Variants in EPHA6 observed in about 807,000 individuals in gnomAD.
The protein encoded by EPHA6 is EPH receptor A6, also known as ephrin type-A receptor 6.
A neutral mutation model predicts 112.0 loss-of-function variants in EPHA6; 50 were observed. The ratio of observed to expected loss-of-function variants is 0.45; its 90% CI spans 0.36 to 0.56. The LOEUF is 0.56. EPHA6 is among the 20% of genes least tolerant of loss of function. EPHA6 has a pLI of 0.00. For missense variants in EPHA6, 1,280 were observed against 1,417.4 expected, an observed-to-expected ratio of 0.90 and a Z score of 1.56; for synonymous variants, 529 against 490.7, an observed-to-expected ratio of 1.08 and a Z score of -1.03.
At chr3:97,625,405 C>G (rs2093847676) in intron 13 of EPHA6, among the ~76,000 whole-genome samples, 1 of 151,734 alleles carries the variant, frequency 6.6e-6, no homozygotes, top group African/African-American at 2.4e-5. Context: ...AGAGAACATA[C>G]TTTGTATGAA....
chr3:97,242,808 A>AT lies in EPHA6; in HGVS notation c.1271-1134dup, dbSNP rs560445234. Among the ~76,000 whole-genome samples the AT allele has an allele frequency of 2.3e-4, 34 of 150,004 alleles. No homozygotes were observed. In the South Asian group the frequency reaches 6.1e-3, roughly 27 times the overall value. ...AACAGAAATTAGAGAATTGGTTTAG[A>AT]TTTTTTTTTTAAATGAAGCCTTCTA... On this transcript the variant is annotated intron_variant, in intron 4 of 17. Coordinates refer to ENST00000389672, the MANE Select transcript of EPHA6 (RefSeq NM_001080448.3).
At chr3:97,653,653 G>A (rs1304456310) in intron 14 of EPHA6, among the ~76,000 whole-genome samples, 1 of 151,854 alleles carries the variant, frequency 6.6e-6, no homozygotes, top group Non-Finnish European at 1.5e-5. Flanking sequence ...CCACTTCTAG[G>A]TATATAATCA....
intron 14 of EPHA6, among the ~76,000 whole-genome samples, chr3:97,643,916 C>T (rs1283837545): frequency 1.3e-5 from 2 of 150,894 alleles, no homozygotes; most frequent in African/African-American, 2.4e-5. Context: ...AGGAATTGAA[C>T]TCAGCTCTGC....
intron 2 of EPHA6, among the ~76,000 whole-genome samples, chr3:96,902,513 A>G (rs558557582): frequency 6.6e-6 from 1 of 152,288 alleles, no homozygotes; most frequent in East Asian, 1.9e-4. Context: ...TCCATATTTC[A>G]GCAACCCTTG....
chr3:97,334,474 TC>T (rs2082958014), intron 5 of EPHA6, among the ~76,000 whole-genome samples: 2 of 145,694 alleles, frequency 1.4e-5, no homozygotes, highest in Non-Finnish European at 1.5e-5. Context: ...TCTTTTTTTT[TC>T]TTCTTTTTTT....
At chr3:97,385,981 G>T (rs2086042768) in intron 5 of EPHA6, among the ~76,000 whole-genome samples, 1 of 152,086 alleles carries the variant, frequency 6.6e-6, no homozygotes, top group Non-Finnish European at 1.5e-5. Flanking sequence ...ATGAGATTTG[G>T]GTGGAGACAG....
intron 12 of EPHA6, among the ~76,000 whole-genome samples, chr3:97,599,218 C>T (rs1313382179): frequency 1.3e-5 from 2 of 149,690 alleles, no homozygotes; most frequent in South Asian, 4.2e-4. Flanking sequence ...TTGTAGGTTG[C>T]CTGTTCACTC....
chr3:96,818,003 C>T (rs2032939638), intron 1 of EPHA6, among the ~76,000 whole-genome samples: 2 of 151,936 alleles, frequency 1.3e-5, no homozygotes, highest in Admixed American at 1.3e-4. Context: ...CTTCCTAGAT[C>T]ACTTCATCTG....
intron 1 of EPHA6, among the ~76,000 whole-genome samples, 183 bp from the exon 2 acceptor site, chr3:96,866,638 ATTAC>A (rs902410110): frequency 3.3e-5 from 5 of 151,724 alleles, no homozygotes; most frequent in African/African-American, 7.2e-5. Context: ...GCATTTTATC[ATTAC>A]TTAATACTAT....
In EPHA6 at chr3:96,987,614, T is replaced by C. The variant is rs773571233; in HGVS notation, c.735T>C (p.Ile245=). 1 of 1,612,814 alleles carries C rather than the reference T, an allele frequency of 6.2e-7. No homozygotes were observed. Among genetic ancestry groups the C allele is most frequent in the Non-Finnish European group, 8.5e-7 (1 of 1,178,944 alleles). The change falls in exon 3 of 18, where the codon ATT becomes ATC. Residue 245 remains isoleucine, a synonymous_variant. Coordinates refer to ENST00000389672, the MANE Select transcript of EPHA6 (RefSeq NM_001080448.3). Reference sequence around the variant, plus strand: ...ACCAGTATACAAAGATCGACACAATTGCTGCTGATGAGAGTTTTACCCAGA... The same window carrying C: ...ACCAGTATACAAAGATCGACACAATCGCTGCTGATGAGAGTTTTACCCAGA... ...KPNQYTKIDT[I]AADESFTQMD... is the part of the protein sequence containing the mutation.
intron 5 of EPHA6, among the ~76,000 whole-genome samples, chr3:97,336,951 C>T (rs1400912717): frequency 6.6e-6 from 1 of 151,338 alleles, no homozygotes; most frequent in Non-Finnish European, 1.5e-5. Context: ...TGAACAGTTA[C>T]TGTAACAGGA....
chr3:97,085,937 A>G (rs2046882610), intron 3 of EPHA6, among the ~76,000 whole-genome samples: 1 of 144,060 alleles, frequency 6.9e-6, no homozygotes, highest in South Asian at 2.1e-4. Flanking sequence ...TCATATATAT[A>G]TATATATATA....
intron 7 of EPHA6, among the ~76,000 whole-genome samples, chr3:97,455,488 CA>C (rs2090652947): frequency 6.6e-6 from 1 of 152,018 alleles, no homozygotes; most frequent in South Asian, 2.1e-4. Flanking sequence ...TCTACCCATT[CA>C]GTACTTTCAC....
intron 3 of EPHA6, among the ~76,000 whole-genome samples, chr3:97,006,527 AT>A (rs60999000): frequency 1.2e-4 from 17 of 141,430 alleles, no homozygotes; most frequent in Middle Eastern, 3.9e-3. Flanking sequence ...CTAGCAGTCT[AT>A]TTTTTTTTTA....
intron 5 of EPHA6, among the ~76,000 whole-genome samples, chr3:97,341,699 C>T (rs2083312924): frequency 6.6e-6 from 1 of 152,050 alleles, no homozygotes; most frequent in Non-Finnish European, 1.5e-5. Flanking sequence ...ATATAAAATT[C>T]ATTCTTTATA....
intron 2 of EPHA6, among the ~76,000 whole-genome samples, chr3:96,897,673 T>C (rs752232606): frequency 4.7e-4 from 71 of 152,298 alleles, no homozygotes; most frequent in Non-Finnish European, 8.5e-4. Context: ...GCTACATATA[T>C]AGAGAAAACA....
intron 10 of EPHA6, among the ~76,000 whole-genome samples, chr3:97,509,739 T>C (rs978298649): frequency 2.0e-5 from 3 of 152,162 alleles, no homozygotes; most frequent in Admixed American, 2.0e-4. Context: ...TCCTGTCTTA[T>C]TAGGTTGGGG....
intron 11 of EPHA6, among the ~76,000 whole-genome samples, chr3:97,565,552 C>T (rs1466509822): frequency 6.6e-6 from 1 of 152,102 alleles, no homozygotes; most frequent in Non-Finnish European, 1.5e-5. Context: ...TATATTTTCT[C>T]AAATGTATTA....
intron 11 of EPHA6, among the ~76,000 whole-genome samples, chr3:97,569,078 G>T (rs1391672750): frequency 6.6e-6 from 1 of 152,160 alleles, no homozygotes; most frequent in Non-Finnish European, 1.5e-5. Flanking sequence ...TATAAGAATA[G>T]ATATGAAGGC....
Sources: gnomAD v4.1 joint callset for allele counts (sites outside exome capture counted in the v4.1 genomes callset) on GRCh38, gnomAD v4.1.1 for gene constraint, MANE v1.5 for transcripts, NCBI Gene and HGNC (gene_info 2026-07-23, HGNC 2026-07-21) for gene names.